Variants in THSD4 observed in about 807,000 individuals in gnomAD.
THSD4 encodes thrombospondin type 1 domain containing 4.
A neutral mutation model predicts 119.0 loss-of-function variants in THSD4; 69 were observed. The observed-to-expected ratio is 0.58, with a 90% CI of 0.48 to 0.71. THSD4 has a LOEUF of 0.71. THSD4 is among the 30% of genes least tolerant of loss of function. The pLI is 0.00. For synonymous variants in THSD4, 524 were observed against 540.4 expected (o/e 0.97, Z 0.42); for missense variants, 1,393 against 1,391.1 (o/e 1.00, Z -0.02).
intron 2 of THSD4, among the ~76,000 whole-genome samples, chr15:71,151,200 G>T (rs2040719480): frequency 6.6e-6 from 1 of 152,162 alleles, no homozygotes; most frequent in Admixed American, 6.5e-5. Flanking sequence ...CAGTTCCTCG[G>T]AGTCAGAGGA....
intron 6 of THSD4, among the ~76,000 whole-genome samples, chr15:71,325,837 T>C (rs1596338153): frequency 6.6e-6 from 1 of 152,204 alleles, no homozygotes; most frequent in Non-Finnish European, 1.5e-5. Flanking sequence ...GAACTCTAGA[T>C]AGTTTGTCCA....
At chr15:71,326,448 G>A (rs947225004) in intron 6 of THSD4, among the ~76,000 whole-genome samples, 3 of 151,108 alleles carry the variant, frequency 2.0e-5, no homozygotes, top group East Asian at 2.0e-4. Flanking sequence ...AGGCCAAGGC[G>A]GGTGGATCGC....
chr15:71,141,576 T>C lies in THSD4; in HGVS notation c.29+20T>C. 1 of 1,602,954 alleles carries C rather than the reference T, an allele frequency of 6.2e-7. No homozygotes were observed. Among genetic ancestry groups the C allele is most frequent in the Non-Finnish European group, 8.5e-7 (1 of 1,175,530 alleles). On this transcript the variant is annotated intron_variant, in intron 2 of 17. Coordinates refer to ENST00000261862, the MANE Select transcript of THSD4 (RefSeq NM_024817.3). ...TCTCAGGTAAGTGAAGAAACTTTTT[T>C]TAAAAAAACAGGAGAATAAGAAATT... is the stretch of plus-strand genomic sequence containing the variant.
In THSD4 at chr15:71,725,992, C is replaced by A. The variant is rs929584950; in HGVS notation, c.1358-2557C>A. Among the ~76,000 whole-genome samples, 32 of 152,124 alleles carry A rather than the reference C, an allele frequency of 2.1e-4. 1 individual carries two copies. The highest frequency in any genetic ancestry group is 7.7e-4 in the African/African-American group (32 of 41,416). ...GACGGGGTTTCTCCATTTGTTCAGG[C>A]TGGTCTGAAACCCCCGACCTCAGGT... On this transcript the variant is annotated intron_variant, in intron 8 of 17. Coordinates refer to ENST00000261862, the MANE Select transcript of THSD4 (RefSeq NM_024817.3).
chr15:71,554,069 T>A (rs2048976799), intron 7 of THSD4, among the ~76,000 whole-genome samples: 1 of 148,912 alleles, frequency 6.7e-6, no homozygotes, highest in Non-Finnish European at 1.5e-5. Context: ...TTGTTTTGTT[T>A]TTTCGTTTGT....
intron 1 of THSD4, among the ~76,000 whole-genome samples, chr15:71,116,273 T>C (rs2040361647): frequency 6.6e-6 from 1 of 152,260 alleles, no homozygotes; most frequent in African/African-American, 2.4e-5. Flanking sequence ...CCGCCAACTC[T>C]GGACACTTCC....
At chr15:71,647,646 A>G (rs2050997194) in intron 7 of THSD4, among the ~76,000 whole-genome samples, 1 of 152,168 alleles carries the variant, frequency 6.6e-6, no homozygotes, top group Admixed American at 6.5e-5. Context: ...TGAGTTATAA[A>G]TATCTCTCAA....
intron 3 of THSD4, among the ~76,000 whole-genome samples, chr15:71,192,418 GA>G (rs1354253745): frequency 6.6e-6 from 1 of 151,894 alleles, no homozygotes; most frequent in Non-Finnish European, 1.5e-5. Flanking sequence ...GAGTGGCTGG[GA>G]TTACAGATGT....
chr15:71,529,435 A>C (rs1165493770), intron 7 of THSD4, among the ~76,000 whole-genome samples: 1 of 152,208 alleles, frequency 6.6e-6, no homozygotes, highest in African/African-American at 2.4e-5. Context: ...TTACTTATCT[A>C]TTCAAAATAT....
At chr15:71,727,573 TATATATATATATATACACAC>T (rs757627813) in intron 8 of THSD4, among the ~76,000 whole-genome samples, 31,756 of 66,940 alleles carry the variant, frequency 0.47, 6,260 homozygotes, top group South Asian at 0.63. Context: ...TATATATATA[TATATATATATATATACACAC>T]ACACACACAC....
chr15:71,332,277 G>A (rs536661486), intron 6 of THSD4, among the ~76,000 whole-genome samples: 1 of 152,346 alleles, frequency 6.6e-6, no homozygotes, highest in African/African-American at 2.4e-5. Flanking sequence ...CAATTTCATT[G>A]CCTGTAGTTG....
chr15:71,131,771 A>G (rs1008025022), intron 1 of THSD4, among the ~76,000 whole-genome samples: 1 of 152,246 alleles, frequency 6.6e-6, no homozygotes, highest in East Asian at 1.9e-4. Flanking sequence ...GGGTAATGGA[A>G]TATGAGTGGC....
At chr15:71,500,526 G>A (rs183111784) in intron 7 of THSD4, among the ~76,000 whole-genome samples, 1 of 152,210 alleles carries the variant, frequency 6.6e-6, no homozygotes, top group East Asian at 1.9e-4. Context: ...TGTGTTGTTG[G>A]TGTCATATCC....
intron 6 of THSD4, among the ~76,000 whole-genome samples, chr15:71,408,425 G>T (rs186993386): frequency 4.6e-5 from 7 of 152,156 alleles, no homozygotes; most frequent in African/African-American, 1.4e-4. Flanking sequence ...TAGAGACAGG[G>T]TCTCATTATG....
chr15:71,365,131 TTGTGTG>T (rs10690804), intron 6 of THSD4, among the ~76,000 whole-genome samples: 53 of 135,908 alleles, frequency 3.9e-4, no homozygotes, highest in Admixed American at 1.2e-3. Flanking sequence ...GCCCCCCCCA[TTGTGTG>T]TGTGTGTGTG....
chr15:71,690,574 C>T (rs2141049859), intron 8 of THSD4, among the ~76,000 whole-genome samples: 1 of 152,260 alleles, frequency 6.6e-6, no homozygotes, highest in East Asian at 1.9e-4. Flanking sequence ...TGTTAAGTTA[C>T]ATGGTGTATT....
intron 7 of THSD4, among the ~76,000 whole-genome samples, chr15:71,482,482 G>A (rs1030477907): frequency 3.3e-5 from 5 of 152,010 alleles, no homozygotes; most frequent in Admixed American, 2.0e-4. Flanking sequence ...AGTAGAGATG[G>A]TGTTTCACTG....
At chr15:71,137,490 T>TA (rs1431994453) in intron 1 of THSD4, among the ~76,000 whole-genome samples, 1 of 152,224 alleles carries the variant, frequency 6.6e-6, no homozygotes, top group Non-Finnish European at 1.5e-5. Context: ...CAGTAAGAAA[T>TA]ACCCTTATTA....
chr15:71,286,982 T>C (rs2044726040), intron 6 of THSD4, among the ~76,000 whole-genome samples: 1 of 152,224 alleles, frequency 6.6e-6, no homozygotes, highest in Non-Finnish European at 1.5e-5. Flanking sequence ...TTTGCTGATG[T>C]GGGGTTATTC....
Sources: gnomAD v4.1 joint callset for allele counts (sites outside exome capture counted in the v4.1 genomes callset) on GRCh38, gnomAD v4.1.1 for gene constraint, MANE v1.5 for transcripts, NCBI Gene and HGNC (gene_info 2026-07-23, HGNC 2026-07-21) for gene names.